The following ATP11A variants were observed in gnomAD, a reference collection of about 807,000 sequenced individuals.
The protein encoded by ATP11A is phospholipid-transporting ATPase IH.
Under a neutral mutation model 154.4 loss-of-function variants are expected in ATP11A, and 81 were observed. That is an observed-to-expected ratio of 0.52 (90% CI 0.44 to 0.63). The LOEUF is 0.63. Among genes scored for constraint, ATP11A ranks in the 30% least tolerant of loss-of-function variants. The pLI, the probability that ATP11A is intolerant of heterozygous loss-of-function variation, is 0.00. For missense variants in ATP11A, 1,316 were observed against 1,474.3 expected, an observed-to-expected ratio of 0.89 and a Z score of 1.76; for synonymous variants, 623 against 585.9, an observed-to-expected ratio of 1.06 and a Z score of -0.91.
Position 112,751,746 on chromosome 13 carries a change from T to C in ATP11A, c.40-33389T>C, listed in dbSNP as rs9603935. 4.0e-3 allele frequency among the ~76,000 whole-genome samples: 591 copies of C among 149,402 alleles called. 3 individuals are homozygous for C. The highest frequency in any genetic ancestry group is 0.014 in the African/African-American group (563 of 41,186). Reference sequence around the variant, plus strand: ...TGCAGATAATCCCCCCCCCCTTTTTTTGAGACAGGGTCTTACTCTGTCACC... The same window carrying C: ...TGCAGATAATCCCCCCCCCCTTTTTCTGAGACAGGGTCTTACTCTGTCACC... On this transcript the variant is annotated intron_variant, in intron 1 of 29. Transcript: ENST00000375645.
chr13:112,737,355 G>A (rs1891097429), intron 1 of ATP11A, among the ~76,000 whole-genome samples: 1 of 152,226 alleles, frequency 6.6e-6, no homozygotes, highest in African/African-American at 2.4e-5. Flanking sequence ...CACACCCAGG[G>A]CAGGTTAGGC....
chr13:112,833,715 G>A (rs527708549), intron 14 of ATP11A, among the ~76,000 whole-genome samples: 5 of 152,166 alleles, frequency 3.3e-5, no homozygotes, highest in Non-Finnish European at 5.9e-5. Context: ...GCACAGATAC[G>A]TCAACAGTAT....
intron 9 of ATP11A, 55 bp from the exon 10 acceptor site, chr13:112,824,289 A>G (rs968607091): frequency 5.7e-6 from 8 of 1,394,936 alleles, no homozygotes; most frequent in Non-Finnish European, 7.1e-6. Context: ...GTAACTCACC[A>G]TAAGGCAAGA....
chr13:112,784,423 A>G (rs942352983), intron 1 of ATP11A, among the ~76,000 whole-genome samples: 3 of 151,702 alleles, frequency 2.0e-5, no homozygotes, highest in African/African-American at 7.3e-5. Flanking sequence ...CCCGCCTTCT[A>G]CCCCAGTATC....
Position 112,697,573 on chromosome 13 carries a change from A to G in ATP11A, c.39+7118A>G, listed in dbSNP as rs1886021154. Among the ~76,000 whole-genome samples the G allele has an allele frequency of 6.6e-6, 1 of 151,896 alleles. No homozygotes were observed. Among genetic ancestry groups the G allele is most frequent in the Admixed American group, 6.5e-5 (1 of 15,268 alleles). ...TTTTAAAACTCTTTATTTTATTTTTATTTTTTATTTTTGAGACAGAGTCTC... is the reference window on the plus strand; with the variant it reads ...TTTTAAAACTCTTTATTTTATTTTTGTTTTTTATTTTTGAGACAGAGTCTC... On this transcript the variant is annotated intron_variant, in intron 1 of 29. Coordinates refer to ENST00000375645, the MANE Select transcript of ATP11A (RefSeq NM_015205.3). The surrounding 1 kb of genome is among the most constrained non-coding windows in gnomAD (Gnocchi z 4.0).
In ATP11A at chr13:112,785,274, C is replaced by A. The variant is rs2140029229; in HGVS notation, c.162+17C>A. ...TCGTCCAAGGTAACTTGGCTTGGGT[C>A]TGAGTGTCCATAATGTGTCTAAAAA... On this transcript the variant is annotated intron_variant, in intron 2 of 29. Coordinates refer to ENST00000375645, the MANE Select transcript of ATP11A (RefSeq NM_015205.3). The surrounding 1 kb of genome is among the most constrained non-coding windows in gnomAD (Gnocchi z 4.8). The A allele has an allele frequency of 1.3e-6, 2 of 1,483,238 alleles. No individual in the cohort carries two copies. Among genetic ancestry groups the A allele is most frequent in the East Asian group, 5.2e-5 (2 of 38,632 alleles). The allele number at this position is 1,483,238 out of a possible 1,614,324, so 91.9% of individuals were successfully genotyped here.
In ATP11A at chr13:112,834,714, C is replaced by T. The variant is rs762265500; in HGVS notation, c.1631+54C>T. ...AAAGGACTAACGAATAAAGAGTGTTCTTTATAAGGTTCTGCGTTTGAGGGA... is the reference window on the plus strand; with the variant it reads ...AAAGGACTAACGAATAAAGAGTGTTTTTTATAAGGTTCTGCGTTTGAGGGA... On this transcript the variant is annotated intron_variant, in intron 15 of 29. Transcript: ENST00000375645. 400 of 1,423,730 alleles carry T rather than the reference C, an allele frequency of 2.8e-4. 1 individual carries two copies. The highest frequency in any genetic ancestry group is 3.8e-4 in the Non-Finnish European group (388 of 1,011,604). The allele number at this position is 1,423,730 out of a possible 1,614,324, so 88.2% of individuals were successfully genotyped here. A position where few individuals can be genotyped will look rare whatever the true frequency, so the allele number is the denominator to read the frequency against.
intron 12 of ATP11A, among the ~76,000 whole-genome samples, chr13:112,828,990 C>A (rs74338221): frequency 6.6e-6 from 1 of 152,240 alleles, no homozygotes; most frequent in Admixed American, 6.5e-5. Flanking sequence ...AGAAGCACTT[C>A]GTGCACCTTC....
intron 5 of ATP11A, among the ~76,000 whole-genome samples, chr13:112,812,619 G>A (rs903055932): frequency 6.6e-6 from 1 of 152,232 alleles, no homozygotes; most frequent in Non-Finnish European, 1.5e-5. Flanking sequence ...CTTCAGAGGA[G>A]CCAGCATCAA....
At chr13:112,755,266 A>G (rs1330880056) in intron 1 of ATP11A, among the ~76,000 whole-genome samples, 4 of 152,046 alleles carry the variant, frequency 2.6e-5, no homozygotes, top group African/African-American at 7.2e-5. Context: ...TCTGCTTCAC[A>G]GGTCAGAGGT....
chr13:112,856,320 C>A, intron 20 of ATP11A: 1 of 388,738 alleles, frequency 2.6e-6, no homozygotes. Flanking sequence ...ATGCAGTGGC[C>A]AGGACAGCTG....
chr13:112,712,907 G>T (rs1217992269), intron 1 of ATP11A, among the ~76,000 whole-genome samples: 2 of 152,262 alleles, frequency 1.3e-5, no homozygotes, highest in Non-Finnish European at 2.9e-5. Context: ...CCTCGGAGGT[G>T]AGGGCTTTCT....
intron 25 of ATP11A, among the ~76,000 whole-genome samples, chr13:112,864,721 A>G (rs1464917166): frequency 3.3e-5 from 2 of 60,670 alleles, no homozygotes; most frequent in Non-Finnish European, 2.6e-5. Context: ...AATTCAGTGC[A>G]GCACGTGCAG....
At chr13:112,783,929 G>A (rs535400531) in intron 1 of ATP11A, among the ~76,000 whole-genome samples, 2 of 152,340 alleles carry the variant, frequency 1.3e-5, no homozygotes, top group South Asian at 2.1e-4. Flanking sequence ...CAGCTTTGCA[G>A]GAGAGCCTTC....
chr13:112,826,542 C>A, intron 11 of ATP11A, 152 bp from the exon 12 acceptor site: 1 of 672,940 alleles, frequency 1.5e-6, no homozygotes, highest in Non-Finnish European at 2.5e-6. Flanking sequence ...GGCTGCCTTC[C>A]GCCCATAGTC....
At chr13:112,743,585 G>A (rs1056430355) in intron 1 of ATP11A, among the ~76,000 whole-genome samples, 4 of 151,350 alleles carry the variant, frequency 2.6e-5, no homozygotes, top group East Asian at 1.9e-4. Context: ...TAGCACTGAC[G>A]GCATAGGCAG....
intron 28 of ATP11A, among the ~76,000 whole-genome samples, chr13:112,877,707 G>C (rs1342531834): frequency 2.6e-5 from 4 of 152,198 alleles, no homozygotes; most frequent in African/African-American, 4.8e-5. Context: ...TTGAACTCGG[G>C]GGGTTAGGAG....
intron 28 of ATP11A, among the ~76,000 whole-genome samples, chr13:112,877,181 G>T (rs934138146): frequency 6.6e-6 from 1 of 152,126 alleles, no homozygotes; most frequent in African/African-American, 2.4e-5. Context: ...TTATAAGAAG[G>T]TCCCACTGAG....
At chr13:112,749,213 G>T (rs187383502) in intron 1 of ATP11A, among the ~76,000 whole-genome samples, 3 of 152,198 alleles carry the variant, frequency 2.0e-5, no homozygotes, top group Admixed American at 6.5e-5. Context: ...TCCCTAAGCC[G>T]CCAGGCTCTG....
Sources: allele counts gnomAD v4.1 joint callset (sites outside exome capture counted in the v4.1 genomes callset), GRCh38; gene constraint gnomAD v4.1.1; non-coding constraint Gnocchi (gnomAD v3.1); transcripts MANE v1.5; gene names NCBI Gene and HGNC (gene_info 2026-07-23, HGNC 2026-07-21).